The following KCND3 variants were observed in gnomAD, a reference collection of about 807,000 sequenced individuals.
KCND3 encodes the protein potassium voltage-gated channel subfamily D member 3, also known as A-type voltage-gated potassium channel KCND3.
A neutral mutation model predicts 51.1 loss-of-function variants in KCND3; 9 were observed. The ratio of observed to expected loss-of-function variants is 0.18; its 90% CI spans 0.11 to 0.31. The LOEUF is 0.31. KCND3 is among the 10% of genes least tolerant of loss of function. KCND3 has a pLI of 1.00. For missense variants in KCND3, 526 were observed against 903.8 expected, an observed-to-expected ratio of 0.58 and a Z score of 5.36; for synonymous variants, 349 against 368.0, an observed-to-expected ratio of 0.95 and a Z score of 0.59.
intron 2 of KCND3, among the ~76,000 whole-genome samples, chr1:111,975,257 G>A (rs1674562525): frequency 6.6e-6 from 1 of 152,208 alleles, no homozygotes; most frequent in Non-Finnish European, 1.5e-5. Context: ...TGGCTGGTTT[G>A]TTACATTCTG....
At chr1:111,872,647 A>G (rs971597249) in intron 2 of KCND3, among the ~76,000 whole-genome samples, 4 of 152,208 alleles carry the variant, frequency 2.6e-5, no homozygotes, top group Non-Finnish European at 5.9e-5. Flanking sequence ...GGCTAAAGAA[A>G]GTGACAGAGA....
chr1:111,876,949 G>T (rs1204247861), intron 2 of KCND3, among the ~76,000 whole-genome samples: 3 of 152,196 alleles, frequency 2.0e-5, no homozygotes, highest in African/African-American at 7.2e-5. Flanking sequence ...GGGTAGGATG[G>T]CTCCACATCT....
At chr1:111,939,495 C>T (rs149143340) in intron 2 of KCND3, among the ~76,000 whole-genome samples, 2 of 151,976 alleles carry the variant, frequency 1.3e-5, no homozygotes, top group African/African-American at 4.8e-5. Context: ...TTTTCTGTTC[C>T]CGTGTTTGCT....
chr1:111,938,204 C>G (rs1672313715), intron 2 of KCND3, among the ~76,000 whole-genome samples: 1 of 152,148 alleles, frequency 6.6e-6, no homozygotes, highest in Non-Finnish European at 1.5e-5. Flanking sequence ...ACATCCAGGA[C>G]CAGGGAGGGG....
intron 2 of KCND3, among the ~76,000 whole-genome samples, chr1:111,878,417 C>T (rs1020909872): frequency 1.3e-5 from 2 of 152,224 alleles, no homozygotes; most frequent in African/African-American, 4.8e-5. Flanking sequence ...TCCTCCTGTC[C>T]AGGGCACCTG....
chr1:111,849,911 G>C (rs964577889), intron 2 of KCND3, among the ~76,000 whole-genome samples: 11 of 152,024 alleles, frequency 7.2e-5, no homozygotes, highest in African/African-American at 2.7e-4. Flanking sequence ...TCCTGTGACA[G>C]GATTCTGGAT....
rs936464538 is a variant in KCND3 at position 111,774,198 on chromosome 1, A to C, written c.*1879T>G. The C allele has an allele frequency of 5.9e-5, 9 of 152,266 alleles. No homozygotes were observed. Among genetic ancestry groups the C allele is most frequent in the Non-Finnish European group, 1.0e-4 (7 of 68,084 alleles). The allele number at this position is 152,266 out of a possible 1,614,324, so 9.4% of individuals were successfully genotyped here. ...GGTCAATCGAGCTGGGGTCATAGGG[A>C]AGCCCACGAAGGGTGTTTTTAGGTT... is the stretch of plus-strand genomic sequence containing the variant. On this transcript the variant is annotated 3_prime_UTR_variant, in exon 8 of 8. Coordinates refer to ENST00000302127, the MANE Select transcript of KCND3 (RefSeq NM_001378969.1).
rs1413621874 is a variant in KCND3, at chr1:111,771,180, C to A, written c.*4897G>T. The A allele has an allele frequency of 2.0e-5, 3 of 152,166 alleles. No individual in the cohort carries two copies. Among genetic ancestry groups the A allele is most frequent in the South Asian group, 2.1e-4 (1 of 4,826 alleles). The allele number at this position is 152,166 out of a possible 1,614,324, so 9.4% of individuals were successfully genotyped here. On this transcript the variant is annotated 3_prime_UTR_variant, in exon 8 of 8. Coordinates refer to ENST00000302127, the MANE Select transcript of KCND3 (RefSeq NM_001378969.1). ...TGTCATTCCCACACTTGAGAAAAAA[C>A]ACAGAACATTCTGAATAGAAAACAA...
chr1:111,975,299 C>A (rs1484071547), intron 2 of KCND3, among the ~76,000 whole-genome samples: 2 of 152,194 alleles, frequency 1.3e-5, no homozygotes, highest in African/African-American at 4.8e-5. Context: ...TTGAAGCCAT[C>A]CTGCGAGGCC....
intron 2 of KCND3, among the ~76,000 whole-genome samples, chr1:111,891,859 G>C (rs192132672): frequency 6.6e-6 from 1 of 152,220 alleles, no homozygotes; most frequent in Admixed American, 6.5e-5. Flanking sequence ...CATACTTTCT[G>C]ACCATCTACT....
Position 111,981,904 on chromosome 1 carries a change from C to G in KCND3, c.823G>C (p.Val275Leu). The G allele has an allele frequency of 6.2e-7, 1 of 1,614,072 alleles. No individual in the cohort carries two copies. The highest frequency in any genetic ancestry group is 8.5e-7 in the Non-Finnish European group (1 of 1,180,030). Residue 275 changes from valine to leucine, a missense_variant, in exon 2 of 8, where the codon GTC (valine) becomes CTC (leucine). Physicochemically the swap from Val to Leu is conservative, Grantham distance 32. Transcript: ENST00000302127. This position sits in a 1 kb window ranked among gnomAD's most constrained non-coding sequence, Gnocchi z 6.2. Reference protein sequence around the residue: ...VAIMPYYIGLVMTNNEDVSGA... With the variant: ...VAIMPYYIGLLMTNNEDVSGA... ...GACACGTCCTCGTTGTTGGTCATGA[C>G]CAGACCGATGTAGTAGGGCATGATG...
In KCND3 at chr1:111,966,655, C is replaced by T. The variant is rs77999679; in HGVS notation, c.1106+14966G>A. Among the ~76,000 whole-genome samples, 250 of 152,304 alleles carry T rather than the reference C, an allele frequency of 1.6e-3. 3 individuals carry two copies. The East Asian group carries it at 0.036, about 22-fold the overall frequency. On this transcript the variant is annotated intron_variant, in intron 2 of 7. Transcript: ENST00000302127. Reference sequence around the variant, plus strand: ...CCAGGACAGATGTATCACAGGTCCTCTTGACACAGAGTCCCCTAATGACTT... The same window carrying T: ...CCAGGACAGATGTATCACAGGTCCTTTTGACACAGAGTCCCCTAATGACTT...
At chr1:111,955,967 A>T (rs751524838) in intron 2 of KCND3, among the ~76,000 whole-genome samples, 1 of 152,224 alleles carries the variant, frequency 6.6e-6, no homozygotes, top group Non-Finnish European at 1.5e-5. Context: ...TGCCAGGCAC[A>T]GTTCCAAGTG....
intron 2 of KCND3, among the ~76,000 whole-genome samples, chr1:111,939,382 T>C (rs4839189): frequency 0.81 from 122,372 of 151,972 alleles, 49,769 homozygotes; most frequent in Middle Eastern, 0.9. Context: ...CTTCTGTAGT[T>C]CCCCACCCCC....
intron 2 of KCND3, among the ~76,000 whole-genome samples, chr1:111,950,958 G>A (rs929183515): frequency 6.6e-6 from 1 of 152,020 alleles, no homozygotes; most frequent in African/African-American, 2.4e-5. Context: ...ATCACCTGAG[G>A]TCAGGAGTTC....
intron 2 of KCND3, among the ~76,000 whole-genome samples, chr1:111,976,400 C>T (rs1056284157): frequency 8.5e-5 from 13 of 152,228 alleles, no homozygotes; most frequent in Admixed American, 6.5e-4. Flanking sequence ...ATCATGTCTG[C>T]CATGACTATA....
chr1:111,829,094 A>G (rs1278479390), intron 2 of KCND3, among the ~76,000 whole-genome samples: 1 of 152,250 alleles, frequency 6.6e-6, no homozygotes, highest in Non-Finnish European at 1.5e-5. Context: ...AGAGAAAGTC[A>G]TGTGAGCAAA....
At chr1:111,862,115 C>T (rs967839195) in intron 2 of KCND3, among the ~76,000 whole-genome samples, 24 of 152,342 alleles carry the variant, frequency 1.6e-4, no homozygotes, top group African/African-American at 5.3e-4. Context: ...CCCCTAGAGA[C>T]TCTGCCCAGA....
intron 2 of KCND3, among the ~76,000 whole-genome samples, chr1:111,953,258 AT>A (rs1442407018): frequency 4.6e-5 from 7 of 152,168 alleles, no homozygotes; most frequent in Admixed American, 4.6e-4. Context: ...GGAGAGAAAA[AT>A]AAAAAGCTTG....
Sources: allele counts gnomAD v4.1 joint callset (sites outside exome capture counted in the v4.1 genomes callset), GRCh38; gene constraint gnomAD v4.1.1; non-coding constraint Gnocchi (gnomAD v3.1); transcripts MANE v1.5; gene names NCBI Gene and HGNC (gene_info 2026-07-23, HGNC 2026-07-21).